Variants in KIAA1328 observed in about 807,000 individuals in gnomAD.
KIAA1328 encodes the protein protein hinderin.
In KIAA1328, 52 loss-of-function variants were observed where a neutral mutation model predicts 68.1. The ratio of observed to expected loss-of-function variants is 0.76; its 90% CI spans 0.61 to 0.96. KIAA1328 has a LOEUF of 0.96. Among genes scored for constraint, KIAA1328 ranks in the 40% least tolerant of loss-of-function variants. KIAA1328 has a pLI of 0.00. For synonymous variants in KIAA1328, 232 were observed against 239.4 expected (o/e 0.97, Z 0.28); for missense variants, 641 against 677.6 (o/e 0.95, Z 0.60).
In KIAA1328 at chr18:37,223,636, A is replaced by C. The variant is rs28676465; in HGVS notation, c.*1409A>C. On this transcript the variant is annotated 3_prime_UTR_variant, in exon 10 of 10. Transcript: ENST00000280020. ...TTAGTCAGTGTTGGTAGACAAAGTC[A>C]TACCACCCAGGGCAGCCTGCATGCA... 1.0e-6 allele frequency: 1 copy of C among 985,272 alleles called. No homozygotes were observed. The highest frequency in any genetic ancestry group is 5.2e-4 in the Middle Eastern group (1 of 1,936). 61.0% of individuals were successfully genotyped at this position (985,272 alleles called of 1,614,324 possible).
intron 7 of KIAA1328, among the ~76,000 whole-genome samples, chr18:37,099,341 T>C (rs1240103391): frequency 6.6e-6 from 1 of 152,230 alleles, no homozygotes; most frequent in Non-Finnish European, 1.5e-5. Context: ...TACCCAGTAG[T>C]CATTCAGGAG....
At chr18:36,888,051 A>T (rs2048559471) in intron 5 of KIAA1328, among the ~76,000 whole-genome samples, 1 of 152,220 alleles carries the variant, frequency 6.6e-6, no homozygotes, top group Non-Finnish European at 1.5e-5. Context: ...AATTCTATTC[A>T]GTGCTAAACC....
intron 7 of KIAA1328, among the ~76,000 whole-genome samples, chr18:37,123,003 C>A (rs577957847): frequency 9.9e-5 from 15 of 152,262 alleles, no homozygotes; most frequent in African/African-American, 3.1e-4. Context: ...TTTAATAGCT[C>A]AAGCTCTGGA....
At chr18:36,890,715 G>A (rs2048658601) in intron 5 of KIAA1328, among the ~76,000 whole-genome samples, 1 of 152,090 alleles carries the variant, frequency 6.6e-6, no homozygotes, top group Admixed American at 6.6e-5. Flanking sequence ...CCTTTATGAG[G>A]AACATTTCAA....
chr18:36,920,760 G>C (rs1261562240), intron 5 of KIAA1328, among the ~76,000 whole-genome samples: 1 of 152,158 alleles, frequency 6.6e-6, no homozygotes, highest in African/African-American at 2.4e-5. Flanking sequence ...TCAGCCTTCT[G>C]CTTTCCAGTG....
At chr18:37,064,193 T>C (rs1049055306) in intron 6 of KIAA1328, among the ~76,000 whole-genome samples, 1 of 152,198 alleles carries the variant, frequency 6.6e-6, no homozygotes, top group Non-Finnish European at 1.5e-5. Flanking sequence ...GGATTGCCTG[T>C]GTTCTTTGAA....
chr18:36,953,995 CTTT>C (rs71168249), intron 5 of KIAA1328, among the ~76,000 whole-genome samples: 2 of 113,542 alleles, frequency 1.8e-5, no homozygotes, highest in African/African-American at 3.0e-5. Context: ...CTGATTGTTT[CTTT>C]TTTTTTTTTT....
intron 5 of KIAA1328, among the ~76,000 whole-genome samples, chr18:36,912,094 C>T (rs1039763865): frequency 6.6e-6 from 1 of 152,100 alleles, no homozygotes; most frequent in African/African-American, 2.4e-5. Flanking sequence ...CTCTGTTAAT[C>T]TTCAAGTTAA....
At chr18:37,103,401 G>A (rs541459272) in intron 7 of KIAA1328, among the ~76,000 whole-genome samples, 2 of 152,202 alleles carry the variant, frequency 1.3e-5, no homozygotes, top group Admixed American at 6.5e-5. Flanking sequence ...GCATGCATTG[G>A]GGAAAGACAG....
At chr18:36,886,918 A>G (rs952155975) in intron 5 of KIAA1328, among the ~76,000 whole-genome samples, 1 of 152,210 alleles carries the variant, frequency 6.6e-6, no homozygotes, top group Non-Finnish European at 1.5e-5. Context: ...AGCTATAAAA[A>G]CAGAGTCCTG....
chr18:37,069,013 A>G (rs1163321270), intron 7 of KIAA1328, among the ~76,000 whole-genome samples: 1 of 151,998 alleles, frequency 6.6e-6, no homozygotes, highest in East Asian at 1.9e-4. Flanking sequence ...TTTTTCTGTT[A>G]CGGATTATAT....
chr18:37,222,380 A>G lies in KIAA1328; in HGVS notation c.*153A>G, dbSNP rs887704078. 1.4e-6 allele frequency: 2 copies of G among 1,447,168 alleles called. No individual in the cohort carries two copies. Among genetic ancestry groups the G allele is most frequent in the African/African-American group, 2.9e-5 (2 of 69,982 alleles). 89.6% of individuals were successfully genotyped at this position (1,447,168 alleles called of 1,614,324 possible). ...ACGTATTGAATATAGAAATCATTCTAACAACCCAGGTTATTTTCAATCAGA... is the reference window on the plus strand; with the variant it reads ...ACGTATTGAATATAGAAATCATTCTGACAACCCAGGTTATTTTCAATCAGA... On this transcript the variant is annotated 3_prime_UTR_variant, in exon 10 of 10. Transcript: ENST00000280020.
At chr18:36,917,672 CAG>C (rs1336037303) in intron 5 of KIAA1328, among the ~76,000 whole-genome samples, 1 of 152,194 alleles carries the variant, frequency 6.6e-6, no homozygotes, top group Non-Finnish European at 1.5e-5. Context: ...ATATGCCAGA[CAG>C]AGATTTAGAC....
chr18:36,901,277 A>G (rs917793187), intron 5 of KIAA1328, among the ~76,000 whole-genome samples: 1 of 151,980 alleles, frequency 6.6e-6, no homozygotes, highest in East Asian at 1.9e-4. Flanking sequence ...CTTTTTGTTT[A>G]CATTTAAAAA....
intron 4 of KIAA1328, among the ~76,000 whole-genome samples, chr18:36,879,646 G>C (rs377258302): frequency 2.0e-5 from 3 of 152,194 alleles, no homozygotes; most frequent in African/African-American, 4.8e-5. Context: ...CCTTCCCCCA[G>C]GTGTTCTGAC....
intron 7 of KIAA1328, among the ~76,000 whole-genome samples, chr18:37,108,956 G>A (rs535577987): frequency 1.2e-3 from 168 of 139,486 alleles, no homozygotes; most frequent in South Asian, 4.3e-3. Context: ...AGGCCCTGGC[G>A]TGTGATGTTC....
intron 9 of KIAA1328, among the ~76,000 whole-genome samples, chr18:37,198,613 G>C (rs1037899687): frequency 1.3e-5 from 2 of 152,142 alleles, no homozygotes; most frequent in African/African-American, 4.8e-5. Context: ...AAGTTCTAGA[G>C]CAGATATGCA....
chr18:37,230,351 TC>T (rs2060659206), downstream of KIAA1328: 1 of 152,238 alleles, frequency 6.6e-6, no homozygotes, highest in South Asian at 2.1e-4. Flanking sequence ...CCTCTTGACT[TC>T]CGTGCTTCAG....
At chr18:37,040,651 T>C (rs2055207918) in intron 6 of KIAA1328, among the ~76,000 whole-genome samples, 2 of 151,934 alleles carry the variant, frequency 1.3e-5, no homozygotes, top group African/African-American at 4.8e-5. Context: ...GCTTATGTTA[T>C]TGACTTAAAT....
Sources: gnomAD v4.1 joint callset for allele counts (sites outside exome capture counted in the v4.1 genomes callset) on GRCh38, gnomAD v4.1.1 for gene constraint, MANE v1.5 for transcripts, NCBI Gene and HGNC (gene_info 2026-07-23, HGNC 2026-07-21) for gene names.